Variants in RMDN1 observed in about 807,000 individuals in gnomAD.
RMDN1 encodes the protein regulator of microtubule dynamics protein 1.
RMDN1 carries 48 observed loss-of-function variants against 48.9 expected under a neutral mutation model. The ratio of observed to expected loss-of-function variants is 0.98; its 90% CI spans 0.78 to 1.25. RMDN1 has a LOEUF of 1.25. Among genes scored for constraint, RMDN1 ranks in the 50% most tolerant of loss-of-function variants. The pLI is 0.00. For missense variants in RMDN1, 418 were observed against 373.4 expected (o/e 1.12, Z -0.98); for synonymous variants, 148 against 132.6 (o/e 1.12, Z -0.80).
intron 2 of RMDN1, among the ~76,000 whole-genome samples, chr8:86,500,389 A>G (rs1488084776): frequency 1.3e-5 from 2 of 152,124 alleles, no homozygotes; most frequent in Non-Finnish European, 2.9e-5. Context: ...CTTCTCAAAA[A>G]AAGACATACA....
intron 2 of RMDN1, among the ~76,000 whole-genome samples, chr8:86,490,336 C>G (rs1816283389): frequency 6.6e-6 from 1 of 152,264 alleles, no homozygotes; most frequent in Middle Eastern, 3.4e-3. Flanking sequence ...AGGAAATTAT[C>G]CTGGATTACC....
chr8:86,485,257 TCTA>T (rs1815274632), intron 4 of RMDN1, among the ~76,000 whole-genome samples: 1 of 152,118 alleles, frequency 6.6e-6, no homozygotes, highest in African/African-American at 2.4e-5. Context: ...AAACCTTATC[TCTA>T]CTAAAAATAC....
At chr8:86,488,356 T>C (rs941308241) in intron 3 of RMDN1, among the ~76,000 whole-genome samples, 196 bp downstream of exon 3, 2 of 152,158 alleles carry the variant, frequency 1.3e-5, no homozygotes, top group African/African-American at 4.8e-5. Context: ...TAACACCTTT[T>C]CTAAATCAAT....
At chr8:86,506,074 C>G (rs72690433) in intron 2 of RMDN1, among the ~76,000 whole-genome samples, 3 of 152,214 alleles carry the variant, frequency 2.0e-5, no homozygotes, top group Non-Finnish European at 4.4e-5. Context: ...AAAGCTTGTT[C>G]CCCCTCACTG....
chr8:86,491,222 C>T (rs1383130251), intron 2 of RMDN1, among the ~76,000 whole-genome samples: 1 of 151,966 alleles, frequency 6.6e-6, no homozygotes, highest in Non-Finnish European at 1.5e-5. Context: ...GCAACCTCTG[C>T]CTCCCAAGTT....
intron 5 of RMDN1, among the ~76,000 whole-genome samples, 178 bp from the exon 6 acceptor site, chr8:86,480,510 A>G (rs940346986): frequency 1.3e-4 from 20 of 151,948 alleles, no homozygotes; most frequent in African/African-American, 4.8e-4. Flanking sequence ...TCAAAACACT[A>G]TTAATGACTT....
At chr8:86,506,008 G>C (rs1386838923) in intron 2 of RMDN1, among the ~76,000 whole-genome samples, 1 of 152,180 alleles carries the variant, frequency 6.6e-6, no homozygotes, top group Admixed American at 6.5e-5. Context: ...GTAGTTAATG[G>C]TGGTTGATGG....
intron 2 of RMDN1, among the ~76,000 whole-genome samples, chr8:86,489,591 G>C (rs1199540864): frequency 1.3e-5 from 2 of 152,170 alleles, no homozygotes; most frequent in Admixed American, 1.3e-4. Flanking sequence ...TAGCACTTTG[G>C]GAGGCTGAGG....
At chr8:86,503,390 C>CAAAACAAAACCA (rs1491204153) in intron 2 of RMDN1, among the ~76,000 whole-genome samples, 1 of 56,588 alleles carries the variant, frequency 1.8e-5, no homozygotes, top group Non-Finnish European at 3.5e-5. Flanking sequence ...AAAAAAAAAA[C>CAAAACAAAACCA]AAAAAAAAAT....
chr8:86,471,404 C>T (rs1313861899), downstream of RMDN1, among the ~76,000 whole-genome samples: 1 of 151,824 alleles, frequency 6.6e-6, no homozygotes, highest in Admixed American at 6.6e-5. Context: ...AATAAAGTCA[C>T]TCTAAAGAGA....
chr8:86,494,911 T>C (rs766635208), intron 2 of RMDN1: 30 of 435,112 alleles, frequency 6.9e-5, no homozygotes, highest in Non-Finnish European at 1.2e-4. Flanking sequence ...GAGGCAGTGG[T>C]TGCAGTGAGC....
rs924559124 is a variant in RMDN1 at position 86,473,840 on chromosome 8, C to T, written c.*468G>A. 3.0e-6 allele frequency: 3 copies of T among 987,434 alleles called. 1 individual carries two copies. Among genetic ancestry groups the T allele is most frequent in the Non-Finnish European group, 1.2e-6 (1 of 831,392 alleles). 61.2% of individuals were successfully genotyped at this position (987,434 alleles called of 1,614,324 possible). On this transcript the variant is annotated 3_prime_UTR_variant, in exon 10 of 10. Coordinates refer to ENST00000406452, the MANE Select transcript of RMDN1 (RefSeq NM_016033.3). ...GTTCTTTACTTACACAGGTTAGCTC[C>T]AAGATATATCATTTAACTACTTTAT...
At chr8:86,511,972 T>G (rs1820068948), upstream of RMDN1, among the ~76,000 whole-genome samples, 1 of 152,224 alleles carries the variant, frequency 6.6e-6, no homozygotes, top group Non-Finnish European at 1.5e-5. Context: ...CATTTAACTC[T>G]CCACCAGGTG....
Position 86,489,065 on chromosome 8 carries a change from TAC to T in RMDN1, c.248-428_248-427del, listed in dbSNP as rs1211782426. ...GGCCGCAGGTTGGACAAGCTTGCTC[TAC>T]ACAGTCTTTGTTGTTGCTGCTGTTA... On this transcript the variant is annotated intron_variant, in intron 2 of 9. Coordinates refer to ENST00000406452, the MANE Select transcript of RMDN1 (RefSeq NM_016033.3). Among the ~76,000 whole-genome samples, 13 of 152,374 alleles carry T rather than the reference TAC, an allele frequency of 8.5e-5. No individual in the cohort carries two copies. The East Asian group carries it at 2.3e-3, about 27-fold the overall frequency.
intron 2 of RMDN1, chr8:86,505,398 GA>G: frequency 2.2e-6 from 1 of 456,350 alleles, no homozygotes; most frequent in Non-Finnish European, 4.4e-6. Context: ...TATAGGAGAG[GA>G]AAAGTAAGGC....
At chr8:86,509,485 A>G (rs1292317716), upstream of RMDN1, among the ~76,000 whole-genome samples, 2 of 152,150 alleles carry the variant, frequency 1.3e-5, no homozygotes, top group Non-Finnish European at 2.9e-5. Context: ...CTGCAAAGGG[A>G]GTACCTACTA....
At chr8:86,488,493 T>C in intron 3 of RMDN1, 59 bp downstream of exon 3, 2 of 1,023,222 alleles carry the variant, frequency 2.0e-6, no homozygotes, top group Non-Finnish European at 2.8e-6. Context: ...TCATTTTAAT[T>C]GTTAAATAAC....
At chr8:86,470,257 C>T, downstream of RMDN1, 3 of 1,289,322 alleles carry the variant, frequency 2.3e-6, no homozygotes, top group Non-Finnish European at 3.0e-6. Context: ...CATCTCAATC[C>T]AGCAGTCAGC....
At chr8:86,487,068 T>C (rs1815604848) in intron 3 of RMDN1, among the ~76,000 whole-genome samples, 1 of 152,212 alleles carries the variant, frequency 6.6e-6, no homozygotes, top group Admixed American at 6.5e-5. Context: ...ACAAAACTGC[T>C]GAATCCCTAG....
Sources: gnomAD v4.1 joint callset for allele counts (sites outside exome capture counted in the v4.1 genomes callset) on GRCh38, gnomAD v4.1.1 for gene constraint, MANE v1.5 for transcripts, NCBI Gene and HGNC (gene_info 2026-07-23, HGNC 2026-07-21) for gene names.